ZNF536: variants seen among roughly 807,000 people sequenced by gnomAD.
The protein encoded by ZNF536 is zinc finger protein 536.
ZNF536 carries 13 observed loss-of-function variants against 84.5 expected under a neutral mutation model. The observed-to-expected ratio is 0.15, with a 90% CI of 0.10 to 0.24. ZNF536 has a LOEUF of 0.24. Among genes scored for constraint, ZNF536 ranks in the 10% least tolerant of loss-of-function variants. ZNF536 has a pLI of 1.00. For synonymous variants in ZNF536, 811 were observed against 742.5 expected, an observed-to-expected ratio of 1.09 and a Z score of -1.50; for missense variants, 1,536 against 1,747.5, an observed-to-expected ratio of 0.88 and a Z score of 2.16.
At position 30,443,604 on chromosome 19, in the gene ZNF536, G is replaced by A. The variant is rs772757388; in HGVS notation, c.42G>A (p.Glu14=). The part of the protein sequence containing the change: ...ASLCLGVSSA[E]PEAEPHLSGP... ...TGTGCCTTGGAGTGTCTTCGGCGGA[G>A]CCGGAAGCTGAGCCCCACCTGAGTG... Residue 14 remains glutamate (E), a synonymous_variant, in exon 2 of 5, where the codon GAG becomes GAA. Transcript: ENST00000355537. 6.3e-7 allele frequency: 1 copy of A among 1,588,246 alleles called. No individual in the cohort carries two copies. The highest frequency in any genetic ancestry group is 8.5e-7 in the Non-Finnish European group (1 of 1,169,694).
At chr19:30,581,248 G>A (rs112666994) in intron 1 of ZNF536, among the ~76,000 whole-genome samples, 3,003 of 152,252 alleles carry the variant, frequency 0.02, 83 homozygotes, top group South Asian at 0.07. Context: ...GAGGCAAGGC[G>A]GGAGAATCAC....
chr19:30,392,359 T>G (rs1335430607), intron 1 of ZNF536, among the ~76,000 whole-genome samples: 1 of 152,122 alleles, frequency 6.6e-6, no homozygotes, highest in Non-Finnish European at 1.5e-5. Context: ...AGGGATTCCA[T>G]TAAGGAGACC....
rs2148176134 is a variant in ZNF536 at position 30,444,253 on chromosome 19, C to A, written c.691C>A (p.Gln231Lys). The change falls in exon 2 of 5, where the codon CAG (glutamine) becomes AAG (lysine). Residue 231 changes from glutamine to lysine, a missense_variant. Around this residue, in one of 8 missense-constraint regions of ZNF536, gnomAD observed 138 missense variants for 136.8 expected, o/e 1.01. Coordinates refer to ENST00000355537, the MANE Select transcript of ZNF536 (RefSeq NM_014717.3). ...GGACCTGAAGCCCCCGCCGCACGCC[C>A]AGCAGGCCCCGCTGGCCGCCTGCAC... ...RPDLKPPPHA[Q>K]QAPLAACTLA... 1 of 1,550,006 alleles carries A rather than the reference C, an allele frequency of 6.5e-7. No individual in the cohort carries two copies. The highest frequency in any genetic ancestry group is 2.4e-5 in the East Asian group (1 of 41,548).
intron 1 of ZNF536, among the ~76,000 whole-genome samples, chr19:30,684,110 C>T (rs1362347877): frequency 6.6e-6 from 1 of 152,082 alleles, no homozygotes; most frequent in Non-Finnish European, 1.5e-5. Flanking sequence ...TCAACAATGA[C>T]TCACATGTAC....
At chr19:30,385,055 C>T (rs1311397818) in intron 1 of ZNF536, among the ~76,000 whole-genome samples, 2 of 152,100 alleles carry the variant, frequency 1.3e-5, no homozygotes, top group Non-Finnish European at 2.9e-5. Flanking sequence ...AAACCCAGCT[C>T]CACCTCCCAT....
At chr19:30,256,609 TG>T (rs2024929975) in intron 1 of ZNF536, among the ~76,000 whole-genome samples, 1 of 152,160 alleles carries the variant, frequency 6.6e-6, no homozygotes, top group South Asian at 2.1e-4. Flanking sequence ...TGAGGGCGAA[TG>T]GTTGCTGGTT....
chr19:30,527,425 C>T (rs1458639813), intron 2 of ZNF536, among the ~76,000 whole-genome samples: 2 of 151,724 alleles, frequency 1.3e-5, no homozygotes, highest in Non-Finnish European at 2.9e-5. Context: ...GGTCCAATCC[C>T]GACCCCGTTG....
chr19:30,576,430 C>T (rs996947650), intron 1 of ZNF536, among the ~76,000 whole-genome samples: 4 of 152,214 alleles, frequency 2.6e-5, no homozygotes, highest in African/African-American at 9.6e-5. Flanking sequence ...CCACCCCTGT[C>T]CTTGACATCT....
intron 2 of ZNF536, among the ~76,000 whole-genome samples, chr19:30,471,448 G>C (rs967793903): frequency 6.6e-6 from 1 of 152,226 alleles, no homozygotes; most frequent in Non-Finnish European, 1.5e-5. Context: ...AATTCAGGGT[G>C]CTTTTAGGCA....
At chr19:30,367,299 C>G (rs973921511) in intron 3 of ZNF536, among the ~76,000 whole-genome samples, 1 of 152,200 alleles carries the variant, frequency 6.6e-6, no homozygotes, top group Admixed American at 6.5e-5. Flanking sequence ...TCATTTTAAT[C>G]TTGAGTGCCA....
chr19:30,645,697 G>C (rs2049440591), intron 1 of ZNF536, among the ~76,000 whole-genome samples: 1 of 152,188 alleles, frequency 6.6e-6, no homozygotes, highest in Non-Finnish European at 1.5e-5. Context: ...CCACAGGCTT[G>C]TCATAACTTT....
chr19:30,228,453 G>A (rs2022747747), upstream of ZNF536: 1 of 152,232 alleles, frequency 6.6e-6, no homozygotes, highest in South Asian at 2.1e-4. The surrounding 1 kb of genome is among the most constrained non-coding windows in gnomAD (Gnocchi z 4.5). Flanking sequence ...CTCCGGCGGC[G>A]GGACCTGGCG....
intron 1 of ZNF536, among the ~76,000 whole-genome samples, chr19:30,637,081 C>T (rs1339225092): frequency 6.6e-6 from 1 of 152,182 alleles, no homozygotes; most frequent in Admixed American, 6.5e-5. Flanking sequence ...CCAGTGTCTT[C>T]CTGGTGAGTT....
chr19:30,646,237 C>T (rs375278978), intron 1 of ZNF536, among the ~76,000 whole-genome samples: 2 of 152,320 alleles, frequency 1.3e-5, no homozygotes, highest in Non-Finnish European at 1.5e-5. Context: ...GGCCTTTCCC[C>T]CTGTCATGTG....
At chr19:30,473,037 CAA>C (rs57627848) in intron 2 of ZNF536, among the ~76,000 whole-genome samples, 24,935 of 107,124 alleles carry the variant, frequency 0.23, 2,732 homozygotes, top group East Asian at 0.43. Context: ...ACTAAGAATA[CAA>C]AAAAAAAAAA....
Position 30,701,406 on chromosome 19 carries a change from C to G in ZNF536, c.170-9351C>G, listed in dbSNP as rs531139841. Among the ~76,000 whole-genome samples the G allele has an allele frequency of 4.0e-5, 6 of 151,866 alleles. No individual in the cohort carries two copies. In the South Asian group the frequency reaches 1.3e-3, roughly 32 times the overall value. On this transcript the variant is annotated intron_variant, in intron 1 of 1. Coordinates refer to the ZNF536 transcript ENST00000592773. ...ACACACAGACACACCCAAACACACA[C>G]AGACACAAAAACACACAAACACACA...
intron 1 of ZNF536, among the ~76,000 whole-genome samples, chr19:30,426,302 T>A (rs1038252196): frequency 6.6e-6 from 1 of 152,256 alleles, no homozygotes; most frequent in African/African-American, 2.4e-5. Flanking sequence ...TGAGGTGCCT[T>A]GATTTATGCA....
At chr19:30,598,604 C>G (rs2047549120) in intron 1 of ZNF536, among the ~76,000 whole-genome samples, 1 of 152,124 alleles carries the variant, frequency 6.6e-6, no homozygotes, top group Non-Finnish European at 1.5e-5. Context: ...ATTATCCACT[C>G]CATCTATCTA....
At chr19:30,621,900 G>T (rs1878159570) in intron 1 of ZNF536, among the ~76,000 whole-genome samples, 1 of 152,178 alleles carries the variant, frequency 6.6e-6, no homozygotes, top group Non-Finnish European at 1.5e-5. Flanking sequence ...TGATTAATTT[G>T]TATTTTAAAC....
Sources: allele counts gnomAD v4.1 joint callset (sites outside exome capture counted in the v4.1 genomes callset), GRCh38; gene constraint gnomAD v4.1.1; regional missense constraint gnomAD v4.1.1; non-coding constraint Gnocchi (gnomAD v3.1); transcripts MANE v1.5; gene names NCBI Gene and HGNC (gene_info 2026-07-23, HGNC 2026-07-21).